MLF2: variants seen among roughly 807,000 people sequenced by gnomAD.
MLF2 encodes myelodysplasia-myeloid leukemia factor 2.
A neutral mutation model predicts 31.4 loss-of-function variants in MLF2; 12 were observed. That is an observed-to-expected ratio of 0.38 (90% CI 0.24 to 0.62). The LOEUF is 0.62. MLF2 is among the 20% of genes least tolerant of loss of function. MLF2 has a pLI of 0.58. For synonymous variants in MLF2, 109 were observed against 118.8 expected, an observed-to-expected ratio of 0.92 and a Z score of 0.54; for missense variants, 272 against 359.7, an observed-to-expected ratio of 0.76 and a Z score of 1.97.
In MLF2 at chr12:6,752,547, C is replaced by T; in HGVS notation, c.-28-185G>A. The T allele has an allele frequency of 1.8e-6, 1 of 542,980 alleles. No individual in the cohort carries two copies. The allele number at this position is 542,980 out of a possible 1,614,324, so 33.6% of individuals were successfully genotyped here. The stretch of plus-strand genomic sequence containing the variant: ...AGGGAAGGGCTCTTCAAACCTCTTT[C>T]TCAATTAGGGCCATGGAAAATTTTT... On this transcript the variant is annotated intron_variant, in intron 1 of 8. Transcript: ENST00000203630. This position sits in a 1 kb window ranked among gnomAD's most constrained non-coding sequence, Gnocchi z 4.6.
In MLF2 at chr12:6,748,641, G is replaced by A. The variant is rs1405162421; in HGVS notation, c.*26-94C>T. On this transcript the variant is annotated intron_variant, in intron 8 of 8. Transcript: ENST00000203630. The surrounding 1 kb of genome is among the most constrained non-coding windows in gnomAD (Gnocchi z 4.6). Reference sequence around the variant, plus strand: ...GGGGTTTAATCCCCTATGTCAGTGAGAACATTGTTCTCTTTCCATGTCAAC... The same window carrying A: ...GGGGTTTAATCCCCTATGTCAGTGAAAACATTGTTCTCTTTCCATGTCAAC... The A allele has an allele frequency of 1.9e-5, 14 of 735,716 alleles. No individual in the cohort carries two copies. Among genetic ancestry groups the A allele is most frequent in the Non-Finnish European group, 3.0e-5 (14 of 465,276 alleles). The allele number at this position is 735,716 out of a possible 1,614,324, so 45.6% of individuals were successfully genotyped here. A position where few individuals can be genotyped will look rare whatever the true frequency, so the allele number is the denominator to read the frequency against.
rs903657483 is a variant in MLF2, at chr12:6,749,608, G to A, written c.559+240C>T. Among the ~76,000 whole-genome samples the A allele has an allele frequency of 6.6e-5, 10 of 152,282 alleles. No homozygotes were observed. The highest frequency in any genetic ancestry group is 3.4e-3 in the Middle Eastern group (1 of 294). ...CACATGCCTGTAGTTCCAGCTACACGGGAGGCTGAGGCAGGAGAATTGCTT... is the reference window on the plus strand; with the variant it reads ...CACATGCCTGTAGTTCCAGCTACACAGGAGGCTGAGGCAGGAGAATTGCTT... On this transcript the variant is annotated intron_variant, in intron 7 of 8. Transcript: ENST00000203630. This position sits in a 1 kb window ranked among gnomAD's most constrained non-coding sequence, Gnocchi z 5.3.
At position 6,750,299 on chromosome 12, in the gene MLF2, T is replaced by C. The variant is rs747525341; in HGVS notation, c.277A>G (p.Met93Val). 6.2e-7 allele frequency: 1 copy of C among 1,614,072 alleles called. No homozygotes were observed. The highest frequency in any genetic ancestry group is 8.5e-7 in the Non-Finnish European group (1 of 1,179,978). The stretch of plus-strand genomic sequence containing the variant: ...GTCTGGCAATTGCCTCCAGCTGTCA[T>C]GTGTTCCTGAGGACAGGGTAGGTAG... ...MNDMIGNMEH[M>V]TAGGNCQTFS... The change falls in exon 6 of 9, where the codon ATG (methionine) becomes GTG (valine). Residue 93 changes from methionine (M) to valine (V), a missense_variant. By Grantham distance (21) the Met-to-Val change is conservative. Transcript: ENST00000203630. The surrounding 1 kb of genome is among the most constrained non-coding windows in gnomAD (Gnocchi z 5.3).
intron 3 of MLF2, 57 bp from the exon 4 acceptor site, chr12:6,751,733 C>T (rs907387795): frequency 2.5e-6 from 4 of 1,604,314 alleles, no homozygotes; most frequent in Non-Finnish European, 1.7e-6. Context: ...CTTTACAATC[C>T]CAAACCAGGC....
Position 6,750,600 on chromosome 12 carries a change from T to C in MLF2, c.270+113A>G. The C allele has an allele frequency of 8.0e-7, 1 of 1,257,400 alleles. No individual in the cohort carries two copies. The highest frequency in any genetic ancestry group is 1.1e-6 in the Non-Finnish European group (1 of 874,086). The allele number at this position is 1,257,400 out of a possible 1,614,324, so 77.9% of individuals were successfully genotyped here. A position where few individuals can be genotyped will look rare whatever the true frequency, so the allele number is the denominator to read the frequency against. ...AAGGCTCTCTGGTTCAATTACTTTA[T>C]CCAGTACTTTACCCTTCACTAGCAT... is the stretch of plus-strand genomic sequence containing the variant. On this transcript the variant is annotated intron_variant, in intron 5 of 8. Coordinates refer to ENST00000203630, the MANE Select transcript of MLF2 (RefSeq NM_001382226.1). This position sits in a 1 kb window ranked among gnomAD's most constrained non-coding sequence, Gnocchi z 5.3.
Position 6,750,957 on chromosome 12 carries a change from C to G in MLF2, c.217-191G>C. 3.4e-6 allele frequency: 2 copies of G among 591,002 alleles called. No individual in the cohort carries two copies. The highest frequency in any genetic ancestry group is 3.1e-6 in the Non-Finnish European group (1 of 325,058). 36.6% of individuals were successfully genotyped at this position (591,002 alleles called of 1,614,324 possible). On this transcript the variant is annotated intron_variant, in intron 4 of 8. Coordinates refer to ENST00000203630, the MANE Select transcript of MLF2 (RefSeq NM_001382226.1). The surrounding 1 kb of genome is among the most constrained non-coding windows in gnomAD (Gnocchi z 5.3). The stretch of plus-strand genomic sequence containing the variant: ...ATTTCTCCTCCTGTGAACTGCTGAC[C>G]CCTTCCTCAGTCTCTGTGACTGCTG...
chr12:6,749,032 A>G lies in MLF2; in HGVS notation c.560-50T>C, dbSNP rs746593912. On this transcript the variant is annotated intron_variant, in intron 7 of 8. Transcript: ENST00000203630. This position sits in a 1 kb window ranked among gnomAD's most constrained non-coding sequence, Gnocchi z 5.3. ...GGCCTGTGTGCGGCCTGGCTCCTGG[A>G]GGCCGATGTGCGAGCGAGCCACAGC... 2.0e-4 allele frequency: 302 copies of G among 1,486,918 alleles called. No homozygotes were observed. The highest frequency in any genetic ancestry group is 2.5e-4 in the Non-Finnish European group (285 of 1,125,006). 92.1% of individuals were successfully genotyped at this position (1,486,918 alleles called of 1,614,324 possible).
Position 6,752,355 on chromosome 12 carries a change from G to A in MLF2, c.-21C>T, listed in dbSNP as rs199892387. On this transcript the variant is annotated 5_prime_UTR_variant, in exon 2 of 9. Transcript: ENST00000203630. This position sits in a 1 kb window ranked among gnomAD's most constrained non-coding sequence, Gnocchi z 4.6. Reference sequence around the variant, plus strand: ...AACATCCTGATCTCAGCTCCAGGGGGCTCCACACTGGAAAGATATGGAAGC... The same window carrying A: ...AACATCCTGATCTCAGCTCCAGGGGACTCCACACTGGAAAGATATGGAAGC... The A allele has an allele frequency of 3.2e-6, 5 of 1,555,352 alleles. No individual in the cohort carries two copies. Among genetic ancestry groups the A allele is most frequent in the African/African-American group, 1.4e-5 (1 of 73,420 alleles).
chr12:6,750,291 A>C lies in MLF2; in HGVS notation c.285T>G (p.Ala95=). 6.2e-7 allele frequency: 1 copy of C among 1,614,136 alleles called. No individual in the cohort carries two copies. Among genetic ancestry groups the C allele is most frequent in the Non-Finnish European group, 8.5e-7 (1 of 1,180,000 alleles). Residue 95 remains alanine (A), a synonymous_variant, in exon 6 of 9, where the codon GCT becomes GCG. Transcript: ENST00000203630. The surrounding 1 kb of genome is among the most constrained non-coding windows in gnomAD (Gnocchi z 5.3). ...DMIGNMEHMT[A]GGNCQTFSSS... is the part of the protein sequence containing the mutation. ...ATGAGAAGGTCTGGCAATTGCCTCC[A>C]GCTGTCATGTGTTCCTGAGGACAGG...
At position 6,752,994 on chromosome 12, in the gene MLF2, T is replaced by A. The variant is rs774507679; in HGVS notation, c.-84A>T. ...CGGCCGGTTTCGCTTCCCGGTACGC[T>A]GCAGGGTCAGGGTCGCGGCCCGGAA... On this transcript the variant is annotated 5_prime_UTR_variant, in exon 1 of 9. Transcript: ENST00000203630. The surrounding 1 kb of genome is among the most constrained non-coding windows in gnomAD (Gnocchi z 4.6). 1.2e-4 allele frequency: 37 copies of A among 314,934 alleles called. No individual in the cohort carries two copies. The highest frequency in any genetic ancestry group is 1.3e-4 in the Non-Finnish European group (23 of 172,918). 19.5% of individuals were successfully genotyped at this position (314,934 alleles called of 1,614,324 possible).
chr12:6,749,933 C>T lies in MLF2; in HGVS notation c.474G>A (p.Arg158=), dbSNP rs752926339. 1 of 1,614,152 alleles carries T rather than the reference C, an allele frequency of 6.2e-7. No homozygotes were observed. The highest frequency in any genetic ancestry group is 1.1e-5 in the South Asian group (1 of 91,086). The change falls in exon 7 of 9, where the codon CGG becomes CGA. Residue 158 remains arginine (R), a synonymous_variant. Transcript: ENST00000203630. This position sits in a 1 kb window ranked among gnomAD's most constrained non-coding sequence, Gnocchi z 5.3. ...AGCGCTGGAGGATGTGAGCCCTGTC[C>T]CGGATGTGATGCCCAATGGACATCT... ...LEQMSIGHHI[R]DRAHILQRSR...
At chr12:6,751,058 C>A (rs1941605952) in intron 4 of MLF2, 13 of 411,884 alleles carry the variant, frequency 3.2e-5, no homozygotes, top group South Asian at 3.1e-4. Context: ...GGATTCTAAA[C>A]TCTAAAGAGG....
In MLF2 at chr12:6,750,343, G is replaced by A. The variant is rs373241809; in HGVS notation, c.271-38C>T. On this transcript the variant is annotated intron_variant, in intron 5 of 8. Transcript: ENST00000203630. This position sits in a 1 kb window ranked among gnomAD's most constrained non-coding sequence, Gnocchi z 5.3. Reference sequence around the variant, plus strand: ...TAGGTAGGGGAGGGCTGAATGGGGAGGCATCACCCCTGGTGAAGGGATTTC... The same window carrying A: ...TAGGTAGGGGAGGGCTGAATGGGGAAGCATCACCCCTGGTGAAGGGATTTC... 42 of 1,606,834 alleles carry A rather than the reference G, an allele frequency of 2.6e-5. No homozygotes were observed. The highest frequency in any genetic ancestry group is 3.3e-5 in the Non-Finnish European group (39 of 1,175,924).
In MLF2 at chr12:6,750,024, C is replaced by T. The variant is rs1941589537; in HGVS notation, c.400-17G>A. ...CTCCCGGATCTGGGATGAGGCAGAA[C>T]GTGGCACACTCAGCCGCCCCTTCCA... is the stretch of plus-strand genomic sequence containing the variant. On this transcript the variant is annotated splice_polypyrimidine_tract_variant and intron_variant, in intron 6 of 8. Coordinates refer to ENST00000203630, the MANE Select transcript of MLF2 (RefSeq NM_001382226.1). The surrounding 1 kb of genome is among the most constrained non-coding windows in gnomAD (Gnocchi z 5.3). 1.1e-5 allele frequency: 17 copies of T among 1,613,796 alleles called. No homozygotes were observed. In the East Asian group the frequency reaches 1.6e-4, roughly 15 times the overall value.
chr12:6,749,209 T>C lies in MLF2; in HGVS notation c.560-227A>G, dbSNP rs1489677468. Among the ~76,000 whole-genome samples, 1 of 152,242 alleles carries C rather than the reference T, an allele frequency of 6.6e-6. No homozygotes were observed. The highest frequency in any genetic ancestry group is 1.5e-5 in the Non-Finnish European group (1 of 68,032). ...GGAAGAAATCAGAATGGGATTATTCTTCAGTTCAGGTTCACAGTCCTATGT... is the reference window on the plus strand; with the variant it reads ...GGAAGAAATCAGAATGGGATTATTCCTCAGTTCAGGTTCACAGTCCTATGT... On this transcript the variant is annotated intron_variant, in intron 7 of 8. Transcript: ENST00000203630. The surrounding 1 kb of genome is among the most constrained non-coding windows in gnomAD (Gnocchi z 5.3).
rs1941617315 is a variant in MLF2, at chr12:6,751,664, A to G, written c.193T>C (p.Ser65Pro). The G allele has an allele frequency of 1.2e-6, 2 of 1,614,052 alleles. No individual in the cohort carries two copies. The highest frequency in any genetic ancestry group is 2.2e-5 in the East Asian group (1 of 44,882). Reference sequence around the variant, plus strand: ...ACCATTCCCAGCATCCCAAAGGGGGAGACAGCTCCAGCCTACAGGAACACA... The same window carrying G: ...ACCATTCCCAGCATCCCAAAGGGGGGGACAGCTCCAGCCTACAGGAACACA... ...SRRMQQAGAV[S>P]PFGMLGMSGG... The change falls in exon 4 of 9, where the codon TCC (serine) becomes CCC (proline). Residue 65 changes from serine (S) to proline (P), a missense_variant. Transcript: ENST00000203630.
Position 6,752,075 on chromosome 12 carries a change from A to AT in MLF2, c.51-22dup. On this transcript the variant is annotated intron_variant, in intron 2 of 8. Transcript: ENST00000203630. The surrounding 1 kb of genome is among the most constrained non-coding windows in gnomAD (Gnocchi z 4.6). ...GATCCCTGTGGAGTGAGCACATAGT[A>AT]TGGATGGCAGAAGCGCCAAACTGTC... The AT allele has an allele frequency of 6.2e-7, 1 of 1,613,916 alleles. No homozygotes were observed. Among genetic ancestry groups the AT allele is most frequent in the Non-Finnish European group, 8.5e-7 (1 of 1,179,866 alleles).
Position 6,749,681 on chromosome 12 carries a change from C to T in MLF2, c.559+167G>A. 1.0e-6 allele frequency: 1 copy of T among 963,314 alleles called. No homozygotes were observed. The highest frequency in any genetic ancestry group is 1.5e-6 in the Non-Finnish European group (1 of 652,476). 59.7% of individuals were successfully genotyped at this position (963,314 alleles called of 1,614,324 possible). ...AGTGAGCTGAGATCGCGCCACTGCA[C>T]TCCAGCCTGGGCACCTGGGCAACAA... On this transcript the variant is annotated intron_variant, in intron 7 of 8. Coordinates refer to ENST00000203630, the MANE Select transcript of MLF2 (RefSeq NM_001382226.1). This position sits in a 1 kb window ranked among gnomAD's most constrained non-coding sequence, Gnocchi z 5.3.
In MLF2 at chr12:6,751,985, G is replaced by A; in HGVS notation, c.120C>T (p.Phe40=). 1 of 1,614,264 alleles carries A rather than the reference G, an allele frequency of 6.2e-7. No homozygotes were observed. ...GCATGTTGCCATCTGTGATGCTGAG[G>A]AAGGGGCTATATCCAAAGCCACCTG... ...MLSGGFGYSP[F]LSITDGNMPG... Residue 40 remains phenylalanine (F), a synonymous_variant, in exon 3 of 9, where the codon TTC becomes TTT. Transcript: ENST00000203630.
Sources: allele counts gnomAD v4.1 joint callset (sites outside exome capture counted in the v4.1 genomes callset), GRCh38; gene constraint gnomAD v4.1.1; non-coding constraint Gnocchi (gnomAD v3.1); transcripts MANE v1.5; gene names NCBI Gene and HGNC (gene_info 2026-07-23, HGNC 2026-07-21).